DMD: variants seen among roughly 807,000 people sequenced by gnomAD.
DMD encodes the protein dystrophin.
Under a neutral mutation model 330.1 loss-of-function variants are expected in DMD, and 63 were observed. That is an observed-to-expected ratio of 0.19 (90% confidence interval 0.16 to 0.24). The LOEUF is 0.24. Ranked by LOEUF, DMD falls within the 10% of genes least tolerant of loss-of-function variation. The probability of loss-of-function intolerance (pLI) is 1.00; values close to 1 mark genes in which losing one functional copy is unlikely to be tolerated. For missense variants in DMD, 3,344 were observed against 2,684.1 expected (o/e 1.25, Z -5.43); for synonymous variants, 1,223 against 959.8 (o/e 1.27, Z -5.07).
chrX:32,347,109 G>C (rs1330916736), intron 38 of DMD, among the ~76,000 whole-genome samples: 3 of 111,458 alleles, frequency 2.7e-5, no homozygotes, highest in Non-Finnish European at 5.7e-5. Flanking sequence ...TTTTGTATGG[G>C]GGAAAGGGAT....
At chrX:33,190,772 C>T (rs1231216307) in intron 1 of DMD, among the ~76,000 whole-genome samples, 1 of 69,417 alleles carries the variant, frequency 1.4e-5, no homozygotes, top group African/African-American at 4.4e-5. Flanking sequence ...CAGGCGTGAG[C>T]CACCGCGCCC....
At chrX:31,248,536 T>A (rs987358946) in intron 63 of DMD, among the ~76,000 whole-genome samples, 1 of 112,108 alleles carries the variant, frequency 8.9e-6, no homozygotes, top group Non-Finnish European at 1.9e-5. Flanking sequence ...AGCTTTTTAG[T>A]TTTTTTATGT....
At chrX:32,489,822 T>A (rs1008755826) in intron 20 of DMD, among the ~76,000 whole-genome samples, 29 of 112,069 alleles carry the variant, frequency 2.6e-4, no homozygotes, top group Non-Finnish European at 7.5e-5. Flanking sequence ...GGATTATTCC[T>A]CTGATTCACA....
At chrX:33,049,543 GAGAT>G (rs1376214091) in intron 1 of DMD, among the ~76,000 whole-genome samples, 3 of 110,882 alleles carry the variant, frequency 2.7e-5, no homozygotes, top group African/African-American at 9.8e-5. Context: ...TAAAAAATGA[GAGAT>G]AGGTGGGGCA....
chrX:33,330,171 G>C (rs1431886861), intron 1 of DMD, among the ~76,000 whole-genome samples: 3 of 111,142 alleles, frequency 2.7e-5, no homozygotes, highest in Non-Finnish European at 3.8e-5. Flanking sequence ...TTTAGAAAAT[G>C]TACTGCTTGA....
chrX:31,753,058 C>A (rs942315221), intron 51 of DMD, among the ~76,000 whole-genome samples: 1 of 111,742 alleles, frequency 8.9e-6, no homozygotes, highest in African/African-American at 3.2e-5. Flanking sequence ...CAAATTAAAT[C>A]TTTTCACTTC....
chrX:32,905,135 C>A (rs934608875), intron 2 of DMD, among the ~76,000 whole-genome samples: 1 of 111,571 alleles, frequency 9.0e-6, no homozygotes, highest in African/African-American at 3.3e-5. Flanking sequence ...TATTTTGCGA[C>A]AGAAATACAA....
chrX:31,132,115 A>G (rs1053406362), intron 77 of DMD, among the ~76,000 whole-genome samples: 1 of 112,191 alleles, frequency 8.9e-6, no homozygotes, highest in Admixed American at 9.4e-5. Context: ...CCCACATTTG[A>G]GAACTTAAAT....
intron 7 of DMD, among the ~76,000 whole-genome samples, chrX:32,732,450 C>T (rs372577207): frequency 1.0e-4 from 11 of 110,251 alleles, no homozygotes; most frequent in Non-Finnish European, 1.7e-4. Context: ...AACTCCAAGA[C>T]ACATAATTGT....
At chrX:33,288,039 T>C (rs2053459532) in intron 1 of DMD, among the ~76,000 whole-genome samples, 2 of 111,800 alleles carry the variant, frequency 1.8e-5, no homozygotes, top group Non-Finnish European at 3.8e-5. Flanking sequence ...TCTGGAAAGC[T>C]GGCTGAGCCA....
chrX:32,065,056 T>C (rs2096251209), intron 44 of DMD, among the ~76,000 whole-genome samples: 1 of 111,257 alleles, frequency 9.0e-6, no homozygotes, highest in Non-Finnish European at 1.9e-5. Flanking sequence ...CAGTGCAAGT[T>C]TGCCAAAGAA....
intron 7 of DMD, among the ~76,000 whole-genome samples, chrX:32,707,998 C>G (rs1162458381): frequency 2.7e-5 from 3 of 111,846 alleles, no homozygotes; most frequent in Non-Finnish European, 5.6e-5. Flanking sequence ...TCCTCTGCTG[C>G]TAGAAAAAGT....
At chrX:31,401,786 C>T (rs923671203) in intron 60 of DMD, among the ~76,000 whole-genome samples, 2 of 111,206 alleles carry the variant, frequency 1.8e-5, no homozygotes, top group African/African-American at 6.5e-5. Context: ...CTTATTAAAA[C>T]AAGTAAACTG....
chrX:31,569,503 T>A (rs2075640259), intron 55 of DMD, among the ~76,000 whole-genome samples: 1 of 106,134 alleles, frequency 9.4e-6, no homozygotes, highest in South Asian at 4.0e-4. Context: ...TGCCCTACAG[T>A]TAGTGATCAG....
At chrX:31,633,174 A>G (rs908551683) in intron 54 of DMD, among the ~76,000 whole-genome samples, 10 of 112,184 alleles carry the variant, frequency 8.9e-5, no homozygotes, top group Non-Finnish European at 1.9e-4. Flanking sequence ...TGGCAGATCT[A>G]ATGTACAGCA....
intron 48 of DMD, among the ~76,000 whole-genome samples, chrX:31,841,091 A>G: frequency 8.9e-6 from 1 of 111,788 alleles, no homozygotes; most frequent in Admixed American, 9.6e-5. Flanking sequence ...CAAAGGAAAA[A>G]TTCTTGAAGA....
rs2089545678 is a variant in DMD at position 32,931,043 on chromosome X, A to C, written c.94-81223T>G. 3.7e-5 allele frequency among the ~76,000 whole-genome samples: 4 copies of C among 108,180 alleles called. No homozygotes were observed. In the South Asian group the frequency reaches 1.5e-3, roughly 41 times the overall value. 93.9% of individuals were successfully genotyped at this position (108,180 alleles called of 115,157 possible). A position where few individuals can be genotyped will look rare whatever the true frequency, so the allele number is the denominator to read the frequency against. On this transcript the variant is annotated intron_variant, in intron 2 of 78. Coordinates refer to ENST00000357033, the MANE Select transcript of DMD (RefSeq NM_004006.3). ...TACATATTAACAATTAATACTATAT[A>C]TATTTCATATATGTTAAATTATGCA...
intron 2 of DMD, among the ~76,000 whole-genome samples, chrX:32,922,621 G>T (rs1456774449): frequency 8.9e-6 from 1 of 112,148 alleles, no homozygotes; most frequent in East Asian, 2.8e-4. Context: ...TAGGGTTCTC[G>T]CTCCTATGAG....
chrX:31,811,809 C>T (rs1422250897), intron 50 of DMD, among the ~76,000 whole-genome samples: 2 of 111,359 alleles, frequency 1.8e-5, no homozygotes, highest in African/African-American at 6.5e-5. Flanking sequence ...TAAAGGTTCA[C>T]CTGAAGCAGA....
Sources: allele counts gnomAD v4.1 joint callset (sites outside exome capture counted in the v4.1 genomes callset), GRCh38; gene constraint gnomAD v4.1.1; transcripts MANE v1.5; gene names NCBI Gene and HGNC (gene_info 2026-07-23, HGNC 2026-07-21).